Variants in PCDHA13 observed in about 807,000 individuals in gnomAD.
PCDHA13 encodes the protein protocadherin alpha-13.
PCDHA13 carries 54 observed loss-of-function variants against 64.8 expected under a neutral mutation model. That is an observed-to-expected ratio of 0.83 (90% confidence interval 0.67 to 1.04). The LOEUF (loss-of-function observed/expected upper bound fraction) is 1.04. Ranked by LOEUF, PCDHA13 falls within the 50% of genes least tolerant of loss-of-function variation. The pLI, the probability that PCDHA13 is intolerant of heterozygous loss-of-function variation, is 0.00. For missense variants in PCDHA13, 1,248 were observed against 1,254.3 expected, an observed-to-expected ratio of 0.99 and a Z score of 0.08; for synonymous variants, 587 against 564.4, an observed-to-expected ratio of 1.04 and a Z score of -0.57.
chr5:140,986,355 T>C (rs1381730343), intron 3 of PCDHA13, among the ~76,000 whole-genome samples: 3 of 152,154 alleles, frequency 2.0e-5, no homozygotes, highest in African/African-American at 7.2e-5. Context: ...CTTCTTCAGA[T>C]GGAGGAATGC....
In PCDHA13 at chr5:141,010,204, C is replaced by G. The variant is rs1238256859; in HGVS notation, c.*267C>G. ...GACCCAAGTTTCCTTTCTCCTCCGC[C>G]GCAAAGGAGAGGCTTCCCAGCCCCG... On this transcript the variant is annotated 3_prime_UTR_variant, in exon 4 of 4. Transcript: ENST00000289272. 1.3e-5 allele frequency: 20 copies of G among 1,551,852 alleles called. No homozygotes were observed. Among genetic ancestry groups the G allele is most frequent in the Non-Finnish European group, 1.7e-5 (20 of 1,147,056 alleles).
Position 140,980,554 on chromosome 5 carries a change from C to T in PCDHA13, c.2453+1547C>T, listed in dbSNP as rs1283128844. Among the ~76,000 whole-genome samples, 9 of 152,008 alleles carry T rather than the reference C, an allele frequency of 5.9e-5. No individual in the cohort carries two copies. The South Asian group carries it at 1.5e-3, about 25-fold the overall frequency. On this transcript the variant is annotated intron_variant, in intron 2 of 3. Transcript: ENST00000289272. ...CTGAGGCAGGAGAATCGCTTGAACC[C>T]GGGAGGCGGAAGTTGCAGTGAGCCA...
At chr5:140,966,974 C>T (rs782333304) in intron 1 of PCDHA13, 4 of 1,602,874 alleles carry the variant, frequency 2.5e-6, no homozygotes, top group Non-Finnish European at 3.4e-6. Flanking sequence ...GCTTGAGCTG[C>T]GGCGCTTGGG....
chr5:140,926,441 A>G (rs1476576189), intron 1 of PCDHA13: 1 of 154,800 alleles, frequency 6.5e-6, no homozygotes, highest in African/African-American at 2.4e-5. Context: ...AGATCTGGGC[A>G]GCCTCAGGGC....
chr5:140,928,585 G>T, intron 1 of PCDHA13: 1 of 1,614,194 alleles, frequency 6.2e-7, no homozygotes, highest in Non-Finnish European at 8.5e-7. Context: ...AAATGGTTCT[G>T]TCCCAGTGGA....
intron 1 of PCDHA13, among the ~76,000 whole-genome samples, chr5:140,945,113 T>C (rs1359604882): frequency 2.6e-5 from 4 of 152,084 alleles, no homozygotes; most frequent in African/African-American, 4.8e-5. Flanking sequence ...AGTTGAAAGA[T>C]AAAAAATCAA....
chr5:140,967,974 G>A (rs782644202), intron 1 of PCDHA13: 3 of 1,614,204 alleles, frequency 1.9e-6, no homozygotes, highest in South Asian at 1.1e-5. Flanking sequence ...GTGAGCCTGG[G>A]TCTGGAGGCC....
intron 3 of PCDHA13, among the ~76,000 whole-genome samples, chr5:141,003,148 GA>G (rs1554258931): frequency 1.3e-5 from 2 of 152,188 alleles, no homozygotes; most frequent in African/African-American, 4.8e-5. Flanking sequence ...CAAAGACTCT[GA>G]CCTGATCAAT....
intron 1 of PCDHA13, among the ~76,000 whole-genome samples, chr5:140,920,731 C>G (rs2079790420): frequency 6.6e-6 from 1 of 151,924 alleles, no homozygotes; most frequent in African/African-American, 2.4e-5. Flanking sequence ...GCAGTCCCAG[C>G]TACTCAGGAG....
rs542875982 is a variant in PCDHA13 at position 140,939,696 on chromosome 5, T to C, written c.2395-39253T>C. On this transcript the variant is annotated intron_variant, in intron 1 of 3. Coordinates refer to ENST00000289272, the MANE Select transcript of PCDHA13 (RefSeq NM_018904.3). Reference sequence around the variant, plus strand: ...TATGTATGTGTGTGTTGCTGGACATTATCATTTGTGAGATACATTTATATT... The same window carrying C: ...TATGTATGTGTGTGTTGCTGGACATCATCATTTGTGAGATACATTTATATT... Among the ~76,000 whole-genome samples the C allele has an allele frequency of 1.6e-4, 24 of 152,340 alleles. No homozygotes were observed. The East Asian group carries it at 2.7e-3, about 17-fold the overall frequency.
intron 1 of PCDHA13, among the ~76,000 whole-genome samples, chr5:140,952,159 G>T (rs1226707673): frequency 2.0e-5 from 3 of 152,056 alleles, no homozygotes; most frequent in African/African-American, 7.2e-5. Context: ...TGGCTTTGTG[G>T]GGTTCAGTTC....
chr5:140,933,653 GTCTC>G (rs1245688430), intron 1 of PCDHA13, among the ~76,000 whole-genome samples: 3 of 151,982 alleles, frequency 2.0e-5, no homozygotes, highest in East Asian at 1.9e-4. Context: ...TGGAAATCCT[GTCTC>G]TCTCTCTGTC....
intron 1 of PCDHA13, among the ~76,000 whole-genome samples, chr5:140,962,347 C>A (rs191780691): frequency 1.7e-4 from 26 of 152,244 alleles, no homozygotes; most frequent in African/African-American, 5.3e-4. Flanking sequence ...AAGTAAAACT[C>A]CCCCCAATAC....
chr5:140,988,491 AGG>A (rs2097299997), intron 3 of PCDHA13, among the ~76,000 whole-genome samples: 1 of 152,182 alleles, frequency 6.6e-6, no homozygotes, highest in Non-Finnish European at 1.5e-5. Context: ...TCCCCTACCT[AGG>A]AGAAGCCATG....
intron 2 of PCDHA13, among the ~76,000 whole-genome samples, chr5:140,979,807 A>G (rs376087021): frequency 1.3e-4 from 20 of 152,376 alleles, no homozygotes; most frequent in African/African-American, 4.1e-4. Flanking sequence ...CACAACTATC[A>G]AAAGGATTTA....
At chr5:140,948,563 A>AT (rs1400147953) in intron 1 of PCDHA13, among the ~76,000 whole-genome samples, 1 of 151,546 alleles carries the variant, frequency 6.6e-6, no homozygotes, top group African/African-American at 2.4e-5. Flanking sequence ...GTTAAGTTGT[A>AT]TTTTTTAAAG....
chr5:140,967,698 A>T, intron 1 of PCDHA13: 1 of 1,614,174 alleles, frequency 6.2e-7, no homozygotes, highest in Non-Finnish European at 8.5e-7. Context: ...TTCAGCATAG[A>T]TGCCAGTACC....
chr5:140,980,036 G>A (rs952735379), intron 2 of PCDHA13, among the ~76,000 whole-genome samples: 9 of 152,294 alleles, frequency 5.9e-5, no homozygotes, highest in Non-Finnish European at 1.0e-4. Flanking sequence ...ATTACATTGG[G>A]TGCTATTTCT....
intron 1 of PCDHA13, among the ~76,000 whole-genome samples, chr5:140,897,559 G>A (rs1554187454): frequency 6.6e-6 from 1 of 152,026 alleles, no homozygotes; most frequent in African/African-American, 2.4e-5. Context: ...TGGTGTATAT[G>A]TGCCACATTT....
Sources: allele counts gnomAD v4.1 joint callset (sites outside exome capture counted in the v4.1 genomes callset), GRCh38; gene constraint gnomAD v4.1.1; transcripts MANE v1.5; gene names NCBI Gene and HGNC (gene_info 2026-07-23, HGNC 2026-07-21).